The following RAB22A variants were observed in gnomAD, a reference collection of about 807,000 sequenced individuals.
RAB22A encodes RAB22A, member RAS oncogene family, also known as ras-related protein Rab-22A.
RAB22A carries 13 observed loss-of-function variants against 30.2 expected under a neutral mutation model. That is an observed-to-expected ratio of 0.43 (90% CI 0.28 to 0.68). The LOEUF is 0.68. Among genes scored for constraint, RAB22A ranks in the 30% least tolerant of loss-of-function variants. RAB22A has a pLI of 0.18. For synonymous variants in RAB22A, 89 were observed against 87.2 expected (o/e 1.02, Z -0.11); for missense variants, 177 against 246.8 (o/e 0.72, Z 1.89).
chr20:58,329,341 C>T (rs868353651), intron 2 of RAB22A, among the ~76,000 whole-genome samples: 9 of 152,308 alleles, frequency 5.9e-5, no homozygotes, highest in African/African-American at 1.4e-4. Flanking sequence ...GCATGAGCCA[C>T]GGCACCTGGC....
chr20:58,345,272 G>A (rs1017350766), intron 3 of RAB22A, among the ~76,000 whole-genome samples: 1 of 151,980 alleles, frequency 6.6e-6, no homozygotes, highest in African/African-American at 2.4e-5. Context: ...TATATGCAGT[G>A]GCGTATAACA....
At chr20:58,348,699 A>G (rs182800417) in intron 3 of RAB22A, among the ~76,000 whole-genome samples, 2 of 152,308 alleles carry the variant, frequency 1.3e-5, no homozygotes, top group Admixed American at 1.3e-4. Context: ...TATCTATGGC[A>G]GGGACGTCCA....
chr20:58,329,050 T>C (rs1986617852), intron 2 of RAB22A, among the ~76,000 whole-genome samples: 1 of 136,842 alleles, frequency 7.3e-6, no homozygotes, highest in South Asian at 2.6e-4. Context: ...CTGCATTGCA[T>C]ATTCCCTTTT....
chr20:58,350,948 G>A (rs1987038149), intron 3 of RAB22A, among the ~76,000 whole-genome samples: 2 of 152,186 alleles, frequency 1.3e-5, no homozygotes, highest in African/African-American at 4.8e-5. Flanking sequence ...TTTGACAGTG[G>A]TAGTACAAAG....
intron 2 of RAB22A, among the ~76,000 whole-genome samples, chr20:58,337,632 C>T (rs1600733298): frequency 6.6e-6 from 1 of 152,306 alleles, no homozygotes; most frequent in Middle Eastern, 3.4e-3. Context: ...GGCTCTTTCT[C>T]ACCTTGCCTG....
At chr20:58,312,254 C>G (rs1254767157) in intron 2 of RAB22A, among the ~76,000 whole-genome samples, 1 of 151,044 alleles carries the variant, frequency 6.6e-6, no homozygotes, top group Non-Finnish European at 1.5e-5. Context: ...CACACCTCGC[C>G]TATGTGTTCA....
intron 2 of RAB22A, among the ~76,000 whole-genome samples, chr20:58,315,266 A>G (rs1325678459): frequency 6.6e-5 from 10 of 152,002 alleles, no homozygotes; most frequent in African/African-American, 2.4e-4. Context: ...CTGACTTCCC[A>G]TGTTTCTCAC....
At chr20:58,311,263 A>G (rs947893638) in intron 2 of RAB22A, 141 bp downstream of exon 2, 8 of 812,314 alleles carry the variant, frequency 9.8e-6, no homozygotes, top group Non-Finnish European at 1.5e-5. Context: ...GAAGGACTTG[A>G]AAGAGTCCAG....
chr20:58,333,514 A>G (rs1223389658), intron 2 of RAB22A, among the ~76,000 whole-genome samples: 4 of 152,164 alleles, frequency 2.6e-5, no homozygotes, highest in Non-Finnish European at 5.9e-5. Context: ...CTTTAAATAT[A>G]TATGTAACAA....
chr20:58,319,616 A>G (rs1986413451), intron 2 of RAB22A, among the ~76,000 whole-genome samples: 2 of 152,206 alleles, frequency 1.3e-5, no homozygotes, highest in African/African-American at 4.8e-5. Context: ...GATTGGGAAC[A>G]CATTGAATCT....
In RAB22A at chr20:58,310,129, G is replaced by T. The variant is rs372377176; in HGVS notation, c.36+117G>T. The stretch of plus-strand genomic sequence containing the variant: ...CCCACGTCCAAGACGCTGTCTGCCA[G>T]CCCCGTGGACCCTCCCTCCAGCTCG... On this transcript the variant is annotated intron_variant, in intron 1 of 6. Transcript: ENST00000244040. 1.8e-5 allele frequency: 19 copies of T among 1,029,962 alleles called. No homozygotes were observed. The South Asian group carries it at 5.0e-4, about 27-fold the overall frequency. The allele number at this position is 1,029,962 out of a possible 1,614,324, so 63.8% of individuals were successfully genotyped here. A position where few individuals can be genotyped will look rare whatever the true frequency, so the allele number is the denominator to read the frequency against.
rs146553434 is a variant in RAB22A, at chr20:58,336,108, C to T, written c.117-7610C>T. ...CACTGCAACCTCCACCTCCTGGGTT[C>T]AAGCGATTCTCCTGCCTCAGCCTCC... On this transcript the variant is annotated intron_variant, in intron 2 of 6. Coordinates refer to ENST00000244040, the MANE Select transcript of RAB22A (RefSeq NM_020673.3). Among the ~76,000 whole-genome samples, 1,418 of 152,272 alleles carry T rather than the reference C, an allele frequency of 9.3e-3. 22 individuals carry two copies. Among genetic ancestry groups the T allele is most frequent in the Middle Eastern group, 0.031 (9 of 294 alleles).
At chr20:58,324,557 C>T (rs774290563) in intron 2 of RAB22A, among the ~76,000 whole-genome samples, 124 of 152,234 alleles carry the variant, frequency 8.1e-4, no homozygotes, top group South Asian at 1.9e-3. Context: ...CAGTCCTCCT[C>T]GGTTGTATTC....
chr20:58,331,692 G>A (rs1986663025), intron 2 of RAB22A, among the ~76,000 whole-genome samples: 1 of 151,794 alleles, frequency 6.6e-6, no homozygotes, highest in Non-Finnish European at 1.5e-5. Context: ...CCTGGGATAC[G>A]GTTCTGGTTC....
At chr20:58,356,760 T>G (rs1987135666) in intron 6 of RAB22A, among the ~76,000 whole-genome samples, 1 of 152,234 alleles carries the variant, frequency 6.6e-6, no homozygotes, top group African/African-American at 2.4e-5. Flanking sequence ...CTGGCTTCTT[T>G]CATTCTGCAT....
intron 6 of RAB22A, among the ~76,000 whole-genome samples, chr20:58,357,501 C>T (rs1179228079): frequency 2.0e-5 from 3 of 152,068 alleles, no homozygotes; most frequent in African/African-American, 4.8e-5. Context: ...TGTTTAGCTG[C>T]ATTAGGTTTT....
intron 2 of RAB22A, among the ~76,000 whole-genome samples, chr20:58,342,007 T>C (rs747089687): frequency 6.4e-4 from 97 of 152,318 alleles, no homozygotes; most frequent in Admixed American, 2.6e-3. Context: ...CTAAAACATT[T>C]CCTGGAGCTG....
chr20:58,341,320 C>T (rs486921), intron 2 of RAB22A, among the ~76,000 whole-genome samples: 18,910 of 152,130 alleles, frequency 0.12, 1,492 homozygotes, highest in Non-Finnish European at 0.18. Context: ...GCAGACAAAG[C>T]GTAGAATCTT....
chr20:58,365,486 T>C lies in RAB22A; in HGVS notation c.*5783T>C, dbSNP rs1013892433. The C allele has an allele frequency of 6.6e-6, 1 of 152,224 alleles. No homozygotes were observed. Among genetic ancestry groups the C allele is most frequent in the African/African-American group, 2.4e-5 (1 of 41,472 alleles). 9.4% of individuals were successfully genotyped at this position (152,224 alleles called of 1,614,324 possible). A position where few individuals can be genotyped will look rare whatever the true frequency, so the allele number is the denominator to read the frequency against. ...TAATCAGTTTTACTCCTGAAAAATTTTGAAGCCAGCACTGACTTTGTTTAT... is the reference window on the plus strand; with the variant it reads ...TAATCAGTTTTACTCCTGAAAAATTCTGAAGCCAGCACTGACTTTGTTTAT... On this transcript the variant is annotated 3_prime_UTR_variant, in exon 7 of 7. Coordinates refer to ENST00000244040, the MANE Select transcript of RAB22A (RefSeq NM_020673.3).
Sources: gnomAD v4.1 joint callset for allele counts (sites outside exome capture counted in the v4.1 genomes callset) on GRCh38, gnomAD v4.1.1 for gene constraint, MANE v1.5 for transcripts, NCBI Gene and HGNC (gene_info 2026-07-23, HGNC 2026-07-21) for gene names.